IL16: variants seen among roughly 807,000 people sequenced by gnomAD.
IL16 encodes pro-interleukin-16.
Under a neutral mutation model 110.1 loss-of-function variants are expected in IL16, and 67 were observed. The observed-to-expected ratio is 0.61, with a 90% CI of 0.50 to 0.75. The LOEUF is 0.75. Among genes scored for constraint, IL16 ranks in the 30% least tolerant of loss-of-function variants. The probability of loss-of-function intolerance (pLI) is 0.00; values close to 1 mark genes in which losing one functional copy is unlikely to be tolerated. For missense variants in IL16, 1,545 were observed against 1,655.0 expected, an observed-to-expected ratio of 0.93 and a Z score of 1.15; for synonymous variants, 689 against 662.9, an observed-to-expected ratio of 1.04 and a Z score of -0.61.
At chr15:81,206,866 A>ATG (rs1555412522) in intron 1 of IL16, among the ~76,000 whole-genome samples, 3 of 150,992 alleles carry the variant, frequency 2.0e-5, no homozygotes, top group South Asian at 2.1e-4. Context: ...GGCTTTAAAT[A>ATG]ATGATGATGA....
intron 6 of IL16, among the ~76,000 whole-genome samples, chr15:81,277,924 A>G (rs1211255253): frequency 6.6e-6 from 1 of 152,188 alleles, no homozygotes; most frequent in Non-Finnish European, 1.5e-5. Context: ...AAAGGGAGAA[A>G]GTGGTTTTCT....
rs1330938531 is a variant in IL16, at chr15:81,199,033, A to AT, written c.-102+1882dup. The stretch of plus-strand genomic sequence containing the variant: ...AGACTCCATCTCAAAAAAAAAAAAT[A>AT]TATATATATATATATATATATATAT... On this transcript the variant is annotated intron_variant, in intron 1 of 18. Transcript: ENST00000683961. Among the ~76,000 whole-genome samples the AT allele has an allele frequency of 3.4e-3, 301 of 88,148 alleles. 2 individuals are homozygous for AT. The highest frequency in any genetic ancestry group is 0.017 in the African/African-American group (283 of 16,922). 57.8% of individuals were successfully genotyped at this position (88,148 alleles called of 152,430 possible).
intron 2 of IL16, among the ~76,000 whole-genome samples, chr15:81,243,321 A>G (rs1175265109): frequency 6.7e-6 from 1 of 150,176 alleles, no homozygotes; most frequent in African/African-American, 2.4e-5. Flanking sequence ...GACCATAGGC[A>G]TGTGCCACCA....
At chr15:81,259,600 A>G (rs188798348) in intron 2 of IL16, among the ~76,000 whole-genome samples, 172 bp from the exon 3 acceptor site, 61 of 152,332 alleles carry the variant, frequency 4.0e-4, no homozygotes, top group African/African-American at 1.4e-3. Context: ...ATGTATGTCT[A>G]TGAGTGAAAG....
At position 81,248,680 on chromosome 15, in the gene IL16, T is replaced by C. The variant is rs932801142; in HGVS notation, c.313-11092T>C. Among the ~76,000 whole-genome samples the C allele has an allele frequency of 3.3e-5, 5 of 150,286 alleles. 1 individual carries two copies. Among genetic ancestry groups the C allele is most frequent in the Admixed American group, 2.6e-4 (4 of 15,104 alleles). On this transcript the variant is annotated intron_variant, in intron 2 of 18. Transcript: ENST00000683961. ...TCCCTTTCTCCTCCTCTATTGATTC[T>C]GTTTCTAATTCTATTTCTGTGATTT...
chr15:81,293,624 C>T (rs11637883), intron 12 of IL16, among the ~76,000 whole-genome samples: 10,107 of 152,200 alleles, frequency 0.066, 391 homozygotes, highest in Middle Eastern at 0.17. Context: ...TGCTTAAACC[C>T]GGGAGGAGTG....
intron 6 of IL16, among the ~76,000 whole-genome samples, chr15:81,275,468 A>G (rs1001743747): frequency 4.0e-5 from 6 of 150,710 alleles, no homozygotes; most frequent in Non-Finnish European, 8.9e-5. Context: ...CAAAGAGAGG[A>G]AAAAAGAACA....
In IL16 at chr15:81,269,535, C is replaced by T. The variant is rs540593814; in HGVS notation, c.565-3C>T. On this transcript the variant is annotated splice_polypyrimidine_tract_variant and splice_region_variant and intron_variant, in intron 4 of 18. Coordinates refer to ENST00000683961, the MANE Select transcript of IL16 (RefSeq NM_172217.5). The stretch of plus-strand genomic sequence containing the variant: ...TTCTGCCTACTCTGGTTCCTTGTTG[C>T]AGGGAACTTCGAGACCAACACGGTC... 2 of 1,610,756 alleles carry T rather than the reference C, an allele frequency of 1.2e-6. No individual in the cohort carries two copies. The highest frequency in any genetic ancestry group is 4.5e-5 in the East Asian group (2 of 44,874).
intron 2 of IL16, among the ~76,000 whole-genome samples, chr15:81,245,261 A>G (rs768199293): frequency 6.6e-5 from 10 of 152,128 alleles, no homozygotes; most frequent in Non-Finnish European, 1.5e-4. Context: ...GAGGCCCTGG[A>G]TCTTATTCAA....
intron 17 of IL16, 84 bp downstream of exon 17, chr15:81,306,250 A>G (rs2141640019): frequency 2.6e-6 from 4 of 1,544,020 alleles, no homozygotes; most frequent in African/African-American, 2.7e-5. Flanking sequence ...GCTACTCAGT[A>G]ATTTGTGACC....
intron 1 of IL16, among the ~76,000 whole-genome samples, chr15:81,203,999 G>T (rs1895918255): frequency 6.6e-6 from 1 of 151,080 alleles, no homozygotes; most frequent in Non-Finnish European, 1.5e-5. Context: ...TTATTTCCTT[G>T]AGCAGTGGTT....
At chr15:81,190,884 C>T (rs1029462411) in intron 1 of IL16, among the ~76,000 whole-genome samples, 7 of 152,164 alleles carry the variant, frequency 4.6e-5, no homozygotes, top group Non-Finnish European at 7.3e-5. Flanking sequence ...AGGGTGATTG[C>T]TCAAGGTCAG....
At chr15:81,293,592 G>A (rs578107107) in intron 12 of IL16, among the ~76,000 whole-genome samples, 7 of 152,174 alleles carry the variant, frequency 4.6e-5, no homozygotes, top group East Asian at 1.9e-4. Flanking sequence ...TCCCAGCTAC[G>A]CAGGAGGCTG....
chr15:81,238,648 T>C (rs1389176665), intron 2 of IL16, among the ~76,000 whole-genome samples: 2 of 152,204 alleles, frequency 1.3e-5, no homozygotes, highest in South Asian at 2.1e-4. Flanking sequence ...AACCATAAAA[T>C]ATAAGTAAAA....
At chr15:81,200,512 G>A (rs1251626264) in intron 1 of IL16, among the ~76,000 whole-genome samples, 1 of 151,578 alleles carries the variant, frequency 6.6e-6, no homozygotes, top group Non-Finnish European at 1.5e-5. Context: ...TGGGACTACA[G>A]GCACACGCCA....
At chr15:81,298,664 T>G in intron 13 of IL16, among the ~76,000 whole-genome samples, 1 of 152,242 alleles carries the variant, frequency 6.6e-6, no homozygotes, top group East Asian at 1.9e-4. Context: ...ACAGATTCCT[T>G]TCTACCTGGA....
At position 81,306,005 on chromosome 15, in the gene IL16, C is replaced by T. The variant is rs2141638349; in HGVS notation, c.3518C>T (p.Thr1173Ile). ...LSINGKSLKG[T>I]THHDALAILR... The stretch of plus-strand genomic sequence containing the variant: ...ATCAACGGCAAGTCTCTCAAGGGGA[C>T]CACGCACCATGATGCCTTGGCCATC... Residue 1173 changes from threonine to isoleucine, a missense_variant, in exon 17 of 19, where the codon ACC becomes ATC. By Grantham distance (89) the Thr-to-Ile change is moderately conservative. Around this residue, in one of 3 missense-constraint regions of IL16, gnomAD observed 356 missense variants for 399.3 expected, o/e 0.89. Transcript: ENST00000683961. 6.2e-7 allele frequency: 1 copy of T among 1,614,228 alleles called. No homozygotes were observed. The highest frequency in any genetic ancestry group is 1.1e-5 in the South Asian group (1 of 91,086).
Position 81,299,536 on chromosome 15 carries a change from C to A in IL16, c.2210C>A (p.Pro737His), listed in dbSNP as rs1476202610. 1 of 1,614,186 alleles carries A rather than the reference C, an allele frequency of 6.2e-7. No individual in the cohort carries two copies. Among genetic ancestry groups the A allele is most frequent in the South Asian group, 1.1e-5 (1 of 91,082 alleles). The change falls in exon 14 of 19, where the codon CCT becomes CAT. Residue 737 changes from proline (P) to histidine (H), a missense_variant. Physicochemically the swap from Pro to His is moderately conservative, Grantham distance 77 (BLOSUM62 -2). Around this residue, in one of 3 missense-constraint regions of IL16, gnomAD observed 1,185 missense variants for 1,238.8 expected, o/e 0.96. Transcript: ENST00000683961. ...ATGAGTGAGAACCATGGCCACATGC[C>A]TCTACAGCCCAATGCCAGCCTGAAT... The part of the protein sequence containing the change: ...PIMSENHGHM[P>H]LQPNASLNEE...
chr15:81,258,737 C>T (rs1026451824), intron 2 of IL16, among the ~76,000 whole-genome samples: 3 of 150,334 alleles, frequency 2.0e-5, no homozygotes, highest in African/African-American at 7.4e-5. Context: ...CGCGCTCTCT[C>T]TCTCTCTCTC....
Sources: allele counts gnomAD v4.1 joint callset (sites outside exome capture counted in the v4.1 genomes callset), GRCh38; gene constraint gnomAD v4.1.1; regional missense constraint gnomAD v4.1.1; transcripts MANE v1.5; gene names NCBI Gene and HGNC (gene_info 2026-07-23, HGNC 2026-07-21).